The following EPG5 variants were observed in gnomAD, a reference collection of about 807,000 sequenced individuals.
The protein encoded by EPG5 is ectopic P granules protein 5 homolog.
EPG5 carries 159 observed loss-of-function variants against 302.7 expected under a neutral mutation model. The observed-to-expected ratio is 0.53, with a 90% CI of 0.46 to 0.60. The LOEUF is 0.60. Ranked by LOEUF, EPG5 falls within the 20% of genes least tolerant of loss-of-function variation. The probability of loss-of-function intolerance (pLI) is 0.00; values close to 1 mark genes in which losing one functional copy is unlikely to be tolerated. For missense variants in EPG5, 2,896 were observed against 3,092.4 expected (o/e 0.94, Z 1.51); for synonymous variants, 1,158 against 1,136.8 (o/e 1.02, Z -0.37).
chr18:45,899,444 C>A lies in EPG5; in HGVS notation c.4769G>T (p.Ser1590Ile). The A allele has an allele frequency of 6.2e-7, 1 of 1,614,174 alleles. No individual in the cohort carries two copies. The highest frequency in any genetic ancestry group is 8.5e-7 in the Non-Finnish European group (1 of 1,180,032). Residue 1590 changes from serine (S) to isoleucine (I), a missense_variant, in exon 27 of 44, where the codon AGC becomes ATC. Physicochemically the swap from Ser to Ile is moderately radical, Grantham distance 142 (BLOSUM62 -2). Around this residue, in one of 5 missense-constraint regions of EPG5, gnomAD observed 790 missense variants for 798.0 expected, o/e 0.99. Transcript: ENST00000282041. The part of the protein sequence containing the change: ...TTLHLECRGS[S>I]GKKCQGAAVV... ...TGCGGCTCCTTGGCATTTCTTACCGCTGCTGCCTCTGCACTCCAAATGTAG... is the reference window on the plus strand; with the variant it reads ...TGCGGCTCCTTGGCATTTCTTACCGATGCTGCCTCTGCACTCCAAATGTAG...
rs1168864206 is a variant in EPG5 at position 45,860,088 on chromosome 18, G to A, written c.7009+16C>T. 1.9e-6 allele frequency: 3 copies of A among 1,613,990 alleles called. No homozygotes were observed. The highest frequency in any genetic ancestry group is 3.3e-5 in the Admixed American group (2 of 60,014). On this transcript the variant is annotated intron_variant, in intron 40 of 43. Coordinates refer to ENST00000282041, the MANE Select transcript of EPG5 (RefSeq NM_020964.3). ...AAAAGACCAATACAATGGAGCGTAA[G>A]ATGACCTCCTCTTACTTTCTTTGAA...
the EPG5 span, among the ~76,000 whole-genome samples, chr18:45,804,262 G>A: frequency 1.3e-5 from 2 of 152,084 alleles, no homozygotes; most frequent in African/African-American, 4.8e-5. Flanking sequence ...CTGAAAGACA[G>A]AGATAAAAAT....
At chr18:45,855,796 T>G in intron 42 of EPG5, 109 bp from the exon 43 acceptor site, 1 of 712,326 alleles carries the variant, frequency 1.4e-6, no homozygotes, top group South Asian at 1.7e-5. Context: ...TTTCCAGATC[T>G]ACTGTGTTGT....
chr18:45,899,704 T>G, intron 26 of EPG5, 138 bp from the exon 27 acceptor site: 1 of 852,238 alleles, frequency 1.2e-6, no homozygotes, highest in Non-Finnish European at 1.8e-6. Flanking sequence ...GACCAAAGGT[T>G]GTGAGCCAAG....
rs199811412 is a variant in EPG5 at position 45,901,098 on chromosome 18, G to A, written c.4544C>T (p.Thr1515Met). The change falls in exon 26 of 44, where the codon ACG becomes ATG. Residue 1515 changes from threonine (T) to methionine (M), a missense_variant. Thr to Met is a moderately conservative substitution (Grantham distance 81). Transcript: ENST00000282041. ...APQPPLALHP[T>M]KPPVPVISSA... ...GGAAATAACTGGCACAGGAGGCTTC[G>A]TCGGGTGCAGAGCAAGGGGAGGCTG... 5.0e-4 allele frequency: 802 copies of A among 1,614,204 alleles called. 1 individual carries two copies. Among genetic ancestry groups the A allele is most frequent in the Admixed American group, 8.2e-4 (49 of 60,028 alleles).
chr18:45,952,940 G>A (rs138766542), intron 2 of EPG5, among the ~76,000 whole-genome samples: 255 of 152,248 alleles, frequency 1.7e-3, no homozygotes, highest in African/African-American at 5.7e-3. Context: ...TTGGGAGGCC[G>A]AGGCAGGTGG....
intron 2 of EPG5, chr18:45,953,176 A>G: frequency 1.7e-6 from 1 of 599,902 alleles, no homozygotes; most frequent in Non-Finnish European, 2.1e-6. Flanking sequence ...CCATCTAAAA[A>G]AAAAGTAGTA....
At position 45,925,811 on chromosome 18, in the gene EPG5, T is replaced by C. The variant is rs773446788; in HGVS notation, c.2645A>G (p.Tyr882Cys). Residue 882 changes from tyrosine to cysteine, a missense_variant, in exon 14 of 44, where the codon TAC becomes TGC. Coordinates refer to ENST00000282041, the MANE Select transcript of EPG5 (RefSeq NM_020964.3). ...TTTATTCTTCACCACTGTCAGGTTG[T>C]AATTCAATAACCAATCCCGAATCAC... ...IAVIRDWLLN[Y>C]NLTVVKNKLA... The C allele has an allele frequency of 1.3e-6, 2 of 1,580,356 alleles. No individual in the cohort carries two copies.
the EPG5 span, among the ~76,000 whole-genome samples, chr18:45,833,996 CTGTGT>C: frequency 1.2e-4 from 18 of 152,308 alleles, no homozygotes; most frequent in Admixed American, 2.0e-4. Flanking sequence ...CCGCAGAGCA[CTGTGT>C]GCTCTGGCCT....
intron 7 of EPG5, among the ~76,000 whole-genome samples, chr18:45,944,525 C>T (rs941070555): frequency 6.6e-6 from 1 of 152,108 alleles, no homozygotes; most frequent in Admixed American, 6.5e-5. Flanking sequence ...AAGGCCGAGG[C>T]GGGCAGATCA....
intron 14 of EPG5, among the ~76,000 whole-genome samples, chr18:45,923,812 T>A (rs1169740308): frequency 1.3e-5 from 2 of 152,152 alleles, no homozygotes; most frequent in Non-Finnish European, 2.9e-5. Context: ...ACAGATAACT[T>A]GAGGTCAGGA....
At position 45,865,749 on chromosome 18, in the gene EPG5, G is replaced by A. The variant is rs769830823; in HGVS notation, c.6632C>T (p.Pro2211Leu). The A allele has an allele frequency of 1.6e-5, 26 of 1,598,782 alleles. No homozygotes were observed. The highest frequency in any genetic ancestry group is 2.2e-5 in the Non-Finnish European group (26 of 1,175,224). Residue 2211 changes from proline to leucine, a missense_variant, in exon 39 of 44, where the codon CCA becomes CTA. Pro to Leu is a moderately conservative substitution (Grantham distance 98). Around this residue, in one of 5 missense-constraint regions of EPG5, gnomAD observed 620 missense variants for 704.2 expected, o/e 0.88. Transcript: ENST00000282041. The stretch of plus-strand genomic sequence containing the variant: ...CTGATGAGTAAAAGCTTGGCATTTT[G>A]GAACTGCATCCTGACCAAAAAAAAA... ...TDSQKHLDAV[P>L]KCQAFTHQMV...
At chr18:45,885,368 T>C (rs1487002559) in intron 29 of EPG5, among the ~76,000 whole-genome samples, 2 of 151,928 alleles carry the variant, frequency 1.3e-5, no homozygotes, top group Non-Finnish European at 2.9e-5. Flanking sequence ...ATAAGTTAAC[T>C]ATACTACAAG....
chr18:45,955,277 GT>G lies in EPG5; in HGVS notation c.124del (p.Thr42ProfsTer10). On this transcript the variant is annotated frameshift_variant, in exon 2 of 44. Transcript: ENST00000282041. LOFTEE classifies it high-confidence loss of function. ...AGAAGGGATTTCCTGCTCTCTGGAG[GT>G]TTTTGGAAGGGAGACTTCACTGGAC... ...EESSEVSLPKTSREQEIPSLA... is the reference protein window; with the variant it reads ...EESSEVSLPKXSREQEIPSLA... 6.2e-7 allele frequency: 1 copy of G among 1,613,820 alleles called. No homozygotes were observed. Among genetic ancestry groups the G allele is most frequent in the Admixed American group, 1.7e-5 (1 of 59,938 alleles).
the EPG5 span, among the ~76,000 whole-genome samples, chr18:45,807,351 C>A: frequency 6.6e-6 from 1 of 152,176 alleles, no homozygotes; most frequent in Non-Finnish European, 1.5e-5. Flanking sequence ...CCCTGCCCAC[C>A]ACCTGTTCTT....
the EPG5 span, among the ~76,000 whole-genome samples, chr18:45,825,167 G>GGAGGGAGGAAGAGAGGGAGGGAGA: frequency 1.6e-5 from 2 of 127,222 alleles, no homozygotes; most frequent in Non-Finnish European, 3.5e-5. Flanking sequence ...AGGGAGGGAG[G>GGAGGGAGGAAGAGAGGGAGGGAGA]GAGGGAGGAA....
At position 45,847,796 on chromosome 18, in the gene EPG5, G is replaced by A. The variant is rs892780461; in HGVS notation, c.*4671C>T. ...GTTGTGGTTTTTAAAGGTCACACTA[G>A]ATATGTGGGAAGAAAACGAGTTGAA... On this transcript the variant is annotated 3_prime_UTR_variant, in exon 44 of 44. Transcript: ENST00000282041. 9 of 152,400 alleles carry A rather than the reference G, an allele frequency of 5.9e-5. No individual in the cohort carries two copies. The highest frequency in any genetic ancestry group is 1.5e-5 in the Non-Finnish European group (1 of 68,000). 9.4% of individuals were successfully genotyped at this position (152,400 alleles called of 1,614,324 possible).
chr18:45,860,316 A>T lies in EPG5; in HGVS notation c.6797T>A (p.Leu2266His). 6.2e-7 allele frequency: 1 copy of T among 1,614,236 alleles called. No homozygotes were observed. The highest frequency in any genetic ancestry group is 8.5e-7 in the Non-Finnish European group (1 of 1,180,040). Reference protein sequence around the residue: ...DMDSQTRHMALSSLFMEVLMM... With the variant: ...DMDSQTRHMAHSSLFMEVLMM... ...CAGGACTTCCATAAAGAGGCTGCTG[A>T]GGGCCATGTGGCGGGTCTGGCTGTC... is the stretch of plus-strand genomic sequence containing the variant. The change falls in exon 40 of 44, where the codon CTC becomes CAC. Residue 2266 changes from leucine to histidine, a missense_variant. Physicochemically the swap from Leu to His is moderately conservative, Grantham distance 99 (BLOSUM62 -3). This residue lies in a region of EPG5 where 620 missense variants were observed against 704.2 expected (regional missense o/e 0.88). Coordinates refer to ENST00000282041, the MANE Select transcript of EPG5 (RefSeq NM_020964.3).
At chr18:45,838,046 G>A in the EPG5 span, 2 of 1,101,570 alleles carry the variant, frequency 1.8e-6, no homozygotes, top group Non-Finnish European at 1.2e-6. Flanking sequence ...CTCACACCTG[G>A]GGGTAGTTTA....
Sources: allele counts gnomAD v4.1 joint callset (sites outside exome capture counted in the v4.1 genomes callset), GRCh38; gene constraint gnomAD v4.1.1; regional missense constraint gnomAD v4.1.1; transcripts MANE v1.5; gene names NCBI Gene and HGNC (gene_info 2026-07-23, HGNC 2026-07-21).